SPATA13: variants seen among roughly 807,000 people sequenced by gnomAD.
SPATA13 encodes the protein spermatogenesis-associated protein 13.
A neutral mutation model predicts 104.0 loss-of-function variants in SPATA13; 50 were observed. The observed-to-expected ratio is 0.48, with a 90% CI of 0.38 to 0.61. SPATA13 has a LOEUF of 0.61. Among genes scored for constraint, SPATA13 ranks in the 20% least tolerant of loss-of-function variants. The probability of loss-of-function intolerance (pLI) is 0.00; values close to 1 mark genes in which losing one functional copy is unlikely to be tolerated. For missense variants in SPATA13, 1,524 were observed against 1,690.6 expected, an observed-to-expected ratio of 0.90 and a Z score of 1.73; for synonymous variants, 606 against 667.5, an observed-to-expected ratio of 0.91 and a Z score of 1.42.
intron 3 of SPATA13, among the ~76,000 whole-genome samples, chr13:24,070,331 C>T (rs1879113011): frequency 6.6e-6 from 1 of 152,170 alleles, no homozygotes; most frequent in South Asian, 2.1e-4. Context: ...CTGGGATTCT[C>T]CTTGCCTCCT....
rs912688196 is a variant in SPATA13 at position 24,224,218 on chromosome 13, C to G, written c.1289C>G (p.Ser430Cys). Residue 430 changes from serine (S) to cysteine (C), a missense_variant, in exon 2 of 13, where the codon TCT becomes TGT. Coordinates refer to ENST00000382108, the MANE Select transcript of SPATA13 (RefSeq NM_001166271.3). ...AGCGACAGTTCCTGCACTTGCAGCT[C>G]TTTGCCAAGCCCGATTGTCCAGGAT... ...VESDSSCTCS[S>C]LPSPIVQDVL... 5 of 1,551,658 alleles carry G rather than the reference C, an allele frequency of 3.2e-6. No homozygotes were observed. In the African/African-American group the frequency reaches 5.5e-5, roughly 17 times the overall value.
In SPATA13 at chr13:24,161,737, G is replaced by T. The variant is rs575340020; in HGVS notation, c.-112+805G>T. Among the ~76,000 whole-genome samples, 3 of 152,314 alleles carry T rather than the reference G, an allele frequency of 2.0e-5. No homozygotes were observed. Among genetic ancestry groups the T allele is most frequent in the African/African-American group, 7.2e-5 (3 of 41,572 alleles). On this transcript the variant is annotated intron_variant, in intron 1 of 12. Coordinates refer to ENST00000382108, the MANE Select transcript of SPATA13 (RefSeq NM_001166271.3). The surrounding 1 kb of genome is among the most constrained non-coding windows in gnomAD (Gnocchi z 4.5). ...GCAAACAAAACCCTGTGGGTCATTT[G>T]CTTCCCAGCATTGCATAGGGATGTG...
chr13:24,212,604 AACCAGCAG>A (rs1871086558), intron 1 of SPATA13, among the ~76,000 whole-genome samples: 1 of 151,630 alleles, frequency 6.6e-6, no homozygotes, highest in African/African-American at 2.4e-5. Flanking sequence ...AAAAGAAATG[AACCAGCAG>A]ACTTTGACAG....
intron 3 of SPATA13, among the ~76,000 whole-genome samples, chr13:24,075,586 G>A (rs1485567701): frequency 6.6e-6 from 1 of 152,180 alleles, no homozygotes; most frequent in African/African-American, 2.4e-5. Context: ...TAGTCATAAT[G>A]CTGGCACTGT....
intron 1 of SPATA13, chr13:24,162,324 C>T (rs567883491): frequency 1.2e-4 from 19 of 154,048 alleles, no homozygotes; most frequent in African/African-American, 4.6e-4. Flanking sequence ...GGCGCTCTGC[C>T]CAGCCACAGC....
intron 3 of SPATA13, among the ~76,000 whole-genome samples, chr13:24,073,876 C>T (rs1879243585): frequency 6.6e-6 from 1 of 152,204 alleles, no homozygotes; most frequent in Non-Finnish European, 1.5e-5. Context: ...CTCTGGTGTG[C>T]CAGTTACGTA....
intron 3 of SPATA13, among the ~76,000 whole-genome samples, chr13:24,044,038 G>A (rs367954434): frequency 3.9e-5 from 6 of 152,018 alleles, no homozygotes; most frequent in East Asian, 1.9e-4. Flanking sequence ...AGCAGGAGGC[G>A]GTCAGGGAAA....
intron 3 of SPATA13, among the ~76,000 whole-genome samples, chr13:24,143,335 T>C (rs1881821971): frequency 6.6e-6 from 1 of 152,098 alleles, no homozygotes; most frequent in Non-Finnish European, 1.5e-5. Flanking sequence ...TCATTTTACT[T>C]CTCCCATTTT....
intron 2 of SPATA13, 85 bp from the exon 3 acceptor site, chr13:24,249,392 T>C (rs934045297): frequency 2.1e-6 from 3 of 1,423,220 alleles, no homozygotes; most frequent in Non-Finnish European, 2.8e-6. Context: ...GGCACGGCTG[T>C]GGTGGTGAGA....
At chr13:24,225,747 A>T (rs573099568) in intron 2 of SPATA13, among the ~76,000 whole-genome samples, 63 of 152,248 alleles carry the variant, frequency 4.1e-4, no homozygotes, top group African/African-American at 1.5e-3. Flanking sequence ...GGGCCCCCAG[A>T]AGGGTTGCCA....
chr13:24,166,212 A>T (rs764902797), intron 1 of SPATA13, among the ~76,000 whole-genome samples: 31 of 152,182 alleles, frequency 2.0e-4, no homozygotes, highest in Non-Finnish European at 4.3e-4. Flanking sequence ...AGATGGAGAG[A>T]TTGATCAGAG....
At chr13:24,018,356 G>C (rs768697328) in intron 3 of SPATA13, among the ~76,000 whole-genome samples, 1 of 152,094 alleles carries the variant, frequency 6.6e-6, no homozygotes, top group Non-Finnish European at 1.5e-5. Context: ...TTCCATCTTA[G>C]CATTATTTGT....
intron 1 of SPATA13, among the ~76,000 whole-genome samples, chr13:24,200,938 AC>A (rs2138570718): frequency 6.6e-6 from 1 of 151,132 alleles, no homozygotes; most frequent in Admixed American, 6.7e-5. Flanking sequence ...GTGTCTGATT[AC>A]GTCCTTGTTC....
intron 2 of SPATA13, among the ~76,000 whole-genome samples, chr13:23,997,594 G>A (rs2765166): frequency 0.77 from 116,839 of 151,980 alleles, 45,121 homozygotes; most frequent in African/African-American, 0.81. Context: ...TTTATAAAGA[G>A]GAGGTTTATT....
intron 3 of SPATA13, among the ~76,000 whole-genome samples, chr13:24,065,524 A>T (rs1414730485): frequency 6.6e-6 from 1 of 152,196 alleles, no homozygotes; most frequent in Non-Finnish European, 1.5e-5. Context: ...CTGAGAACTC[A>T]CTGACCATTC....
intron 1 of SPATA13, among the ~76,000 whole-genome samples, chr13:24,218,697 CATT>C (rs1285259177): frequency 6.6e-6 from 1 of 150,382 alleles, no homozygotes; most frequent in Non-Finnish European, 1.5e-5. Context: ...TTTGGTAAAA[CATT>C]ATGAGGGGTT....
chr13:24,003,877 A>G (rs8000782), intron 2 of SPATA13, among the ~76,000 whole-genome samples: 72,904 of 151,858 alleles, frequency 0.48, 17,851 homozygotes, highest in East Asian at 0.7. Flanking sequence ...ATACATCAGC[A>G]AATACAGAAC....
chr13:24,284,078 T>G, intron 4 of SPATA13, 57 bp from the exon 5 acceptor site: 1 of 1,552,714 alleles, frequency 6.4e-7, no homozygotes, highest in Non-Finnish European at 8.8e-7. Context: ...TTTCATCATA[T>G]GAAAAAATCT....
chr13:23,983,493 T>A (rs1875000389), intron 1 of SPATA13, among the ~76,000 whole-genome samples: 1 of 152,202 alleles, frequency 6.6e-6, no homozygotes, highest in South Asian at 2.1e-4. Context: ...AGAGAATTTT[T>A]AAAAAGTGGA....
Sources: gnomAD v4.1 joint callset for allele counts (sites outside exome capture counted in the v4.1 genomes callset) on GRCh38, gnomAD v4.1.1 for gene constraint, Gnocchi (gnomAD v3.1) non-coding constraint, MANE v1.5 for transcripts, NCBI Gene and HGNC (gene_info 2026-07-23, HGNC 2026-07-21) for gene names.